SKI: variants seen among roughly 807,000 people sequenced by gnomAD.
SKI encodes SKI proto-oncogene, also known as ski oncogene.
Under a neutral mutation model 59.3 loss-of-function variants are expected in SKI, and 23 were observed. The ratio of observed to expected loss-of-function variants is 0.39; its 90% CI spans 0.28 to 0.55. SKI has a LOEUF of 0.55. SKI is among the 20% of genes least tolerant of loss of function. SKI has a pLI of 0.67. For synonymous variants in SKI, 673 were observed against 488.6 expected, an observed-to-expected ratio of 1.38 and a Z score of -4.98; for missense variants, 1,017 against 1,038.9, an observed-to-expected ratio of 0.98 and a Z score of 0.29.
rs1640488715 is a variant in SKI at position 2,303,813 on chromosome 1, C to T, written c.1212-27C>T. The T allele has an allele frequency of 1.2e-6, 2 of 1,610,892 alleles. No homozygotes were observed. Among genetic ancestry groups the T allele is most frequent in the Non-Finnish European group, 1.7e-6 (2 of 1,179,350 alleles). On this transcript the variant is annotated intron_variant, in intron 3 of 6. Transcript: ENST00000378536. This position sits in a 1 kb window ranked among gnomAD's most constrained non-coding sequence, Gnocchi z 5.6. ...GGGTGGTGCTTGGGGACAGAGGCAC[C>T]TTCCCGACACCCGCCTGCCCCTCCA...
chr1:2,236,004 G>C (rs956517272), intron 1 of SKI, among the ~76,000 whole-genome samples: 7 of 152,246 alleles, frequency 4.6e-5, no homozygotes, highest in African/African-American at 1.2e-4. Flanking sequence ...CCGAGATTCT[G>C]TTCGGTGCTT....
At chr1:2,238,572 C>G (rs902800207) in intron 1 of SKI, among the ~76,000 whole-genome samples, 3 of 152,252 alleles carry the variant, frequency 2.0e-5, no homozygotes, top group Non-Finnish European at 2.9e-5. Context: ...AGTGAGGGGA[C>G]TCTTGCCTGC....
Position 2,267,721 on chromosome 1 carries a change from A to G in SKI, c.970-35257A>G, listed in dbSNP as rs553614922. On this transcript the variant is annotated intron_variant, in intron 1 of 6. Transcript: ENST00000378536. This position sits in a 1 kb window ranked among gnomAD's most constrained non-coding sequence, Gnocchi z 4.1. ...CCGGCCTTTGGGCTTCAGGAAACGCAGCTGGGACATCCTGAGGTGTGTGAG... is the reference window on the plus strand; with the variant it reads ...CCGGCCTTTGGGCTTCAGGAAACGCGGCTGGGACATCCTGAGGTGTGTGAG... Among the ~76,000 whole-genome samples the G allele has an allele frequency of 6.6e-6, 1 of 152,326 alleles. No individual in the cohort carries two copies. The highest frequency in any genetic ancestry group is 2.1e-4 in the South Asian group (1 of 4,826).
Position 2,303,816 on chromosome 1 carries a change from C to T in SKI, c.1212-24C>T, listed in dbSNP as rs1451317408. 5.0e-6 allele frequency: 8 copies of T among 1,611,178 alleles called. No homozygotes were observed. The African/African-American group carries it at 1.1e-4, about 21-fold the overall frequency. Reference sequence around the variant, plus strand: ...TGGTGCTTGGGGACAGAGGCACCTTCCCGACACCCGCCTGCCCCTCCAGCT... The same window carrying T: ...TGGTGCTTGGGGACAGAGGCACCTTTCCGACACCCGCCTGCCCCTCCAGCT... On this transcript the variant is annotated intron_variant, in intron 3 of 6. Coordinates refer to ENST00000378536, the MANE Select transcript of SKI (RefSeq NM_003036.4). The surrounding 1 kb of genome is among the most constrained non-coding windows in gnomAD (Gnocchi z 5.6).
At position 2,284,414 on chromosome 1, in the gene SKI, T is replaced by G. The variant is rs1639986564; in HGVS notation, c.970-18564T>G. Among the ~76,000 whole-genome samples, 6 of 152,318 alleles carry G rather than the reference T, an allele frequency of 3.9e-5. No individual in the cohort carries two copies. The South Asian group carries it at 1.0e-3, about 26-fold the overall frequency. On this transcript the variant is annotated intron_variant, in intron 1 of 6. Coordinates refer to ENST00000378536, the MANE Select transcript of SKI (RefSeq NM_003036.4). ...CGGAGCTGCCCTCAGACCTCTTTTG[T>G]AACAGTTATCTCATGGAAACCTAAA... is the stretch of plus-strand genomic sequence containing the variant.
chr1:2,303,617 C>G lies in SKI; in HGVS notation c.1211+217C>G. 1.4e-6 allele frequency: 1 copy of G among 704,232 alleles called. No individual in the cohort carries two copies. Among genetic ancestry groups the G allele is most frequent in the East Asian group, 2.7e-5 (1 of 37,020 alleles). 43.6% of individuals were successfully genotyped at this position (704,232 alleles called of 1,614,324 possible). ...GGAGTCGTGGGTGGAGCCCTGTCTG[C>G]TGGGCGCAGCTTCTTGATGTGTTGG... is the stretch of plus-strand genomic sequence containing the variant. On this transcript the variant is annotated intron_variant, in intron 3 of 6. Coordinates refer to ENST00000378536, the MANE Select transcript of SKI (RefSeq NM_003036.4). This position sits in a 1 kb window ranked among gnomAD's most constrained non-coding sequence, Gnocchi z 5.6.
intron 1 of SKI, chr1:2,240,893 C>T (rs1428998480): frequency 1.4e-6 from 1 of 727,954 alleles, no homozygotes; most frequent in East Asian, 1.3e-4. Context: ...GGCCCTGCGT[C>T]GACCCCAATC....
intron 1 of SKI, among the ~76,000 whole-genome samples, chr1:2,271,992 T>G (rs1022588734): frequency 6.6e-6 from 1 of 152,160 alleles, no homozygotes; most frequent in African/African-American, 2.4e-5. Context: ...TGTTCTCCTC[T>G]GGGAGGACTT....
chr1:2,230,112 C>A (rs1340232012), intron 1 of SKI, among the ~76,000 whole-genome samples: 1 of 152,192 alleles, frequency 6.6e-6, no homozygotes, highest in Admixed American at 6.5e-5. Context: ...GGGCCACGGC[C>A]CGGATGCCTC....
At chr1:2,251,621 C>T (rs1639150055) in intron 1 of SKI, among the ~76,000 whole-genome samples, 1 of 152,226 alleles carries the variant, frequency 6.6e-6, no homozygotes, top group African/African-American at 2.4e-5. Flanking sequence ...GTAACGGTTA[C>T]TGCCTCTGTG....
intron 1 of SKI, among the ~76,000 whole-genome samples, chr1:2,271,335 C>G (rs6673129): frequency 6.6e-6 from 1 of 151,954 alleles, no homozygotes; most frequent in East Asian, 1.9e-4. Context: ...TGCTCCCTGT[C>G]CAGGCCAGAG....
intron 1 of SKI, among the ~76,000 whole-genome samples, chr1:2,284,706 G>T (rs763106589): frequency 1.3e-5 from 2 of 152,194 alleles, no homozygotes; most frequent in African/African-American, 2.4e-5. Context: ...GCCCTCCCTG[G>T]CCCCTGGGTG....
At chr1:2,280,277 G>A (rs1440159034) in intron 1 of SKI, among the ~76,000 whole-genome samples, 2 of 151,802 alleles carry the variant, frequency 1.3e-5, no homozygotes, top group African/African-American at 4.8e-5. Flanking sequence ...TTGGGAGGGC[G>A]AGGCAGGAGA....
chr1:2,229,282 C>T lies in SKI; in HGVS notation c.516C>T (p.Pro172=), dbSNP rs182513685. ...TGGGCATCCTGCCCTTCTCGGCGCC[C>T]TCGTGCGGGCTCATCACCAAGACGG... ...KVMGILPFSA[P]SCGLITKTDA... Residue 172 remains proline (P), a synonymous_variant, in exon 1 of 7, where the codon CCC becomes CCT. Coordinates refer to ENST00000378536, the MANE Select transcript of SKI (RefSeq NM_003036.4). The surrounding 1 kb of genome is among the most constrained non-coding windows in gnomAD (Gnocchi z 6.3). 79 of 1,595,498 alleles carry T rather than the reference C, an allele frequency of 5.0e-5. No individual in the cohort carries two copies. The African/African-American group carries it at 7.2e-4, about 15-fold the overall frequency.
intron 1 of SKI, among the ~76,000 whole-genome samples, chr1:2,257,731 T>C (rs1639303653): frequency 6.6e-6 from 1 of 152,084 alleles, no homozygotes; most frequent in African/African-American, 2.4e-5. Context: ...TATATATTTA[T>C]TTATTTACTT....
At chr1:2,235,494 G>C (rs969980679) in intron 1 of SKI, among the ~76,000 whole-genome samples, 1 of 152,228 alleles carries the variant, frequency 6.6e-6, no homozygotes, top group Admixed American at 6.5e-5. Context: ...GGCTCACCCC[G>C]GGGGCTGGGG....
intron 1 of SKI, among the ~76,000 whole-genome samples, chr1:2,282,569 G>A (rs1355451457): frequency 2.0e-5 from 3 of 152,242 alleles, no homozygotes; most frequent in Non-Finnish European, 2.9e-5. Context: ...ATAGTGGGCG[G>A]GTGGGCAGTA....
intron 1 of SKI, among the ~76,000 whole-genome samples, chr1:2,237,857 G>A (rs1226188059): frequency 6.6e-6 from 1 of 152,246 alleles, no homozygotes; most frequent in Non-Finnish European, 1.5e-5. Context: ...TCATCCCTGA[G>A]GGCCCCGGGA....
At chr1:2,285,014 G>C (rs894103362) in intron 1 of SKI, among the ~76,000 whole-genome samples, 1 of 152,230 alleles carries the variant, frequency 6.6e-6, no homozygotes, top group Non-Finnish European at 1.5e-5. Flanking sequence ...TCTTGCTAAA[G>C]TTTTATGATT....
Sources: gnomAD v4.1 joint callset for allele counts (sites outside exome capture counted in the v4.1 genomes callset) on GRCh38, gnomAD v4.1.1 for gene constraint, Gnocchi (gnomAD v3.1) non-coding constraint, MANE v1.5 for transcripts, NCBI Gene and HGNC (gene_info 2026-07-23, HGNC 2026-07-21) for gene names.